SBF2: variants seen among roughly 807,000 people sequenced by gnomAD.
SBF2 encodes SET binding factor 2, also known as myotubularin-related protein 13.
Under a neutral mutation model 225.2 loss-of-function variants are expected in SBF2, and 112 were observed. That is an observed-to-expected ratio of 0.50 (90% CI 0.43 to 0.58). The LOEUF is 0.58. Among genes scored for constraint, SBF2 ranks in the 20% least tolerant of loss-of-function variants. The pLI is 0.00. For synonymous variants in SBF2, 763 were observed against 773.3 expected, an observed-to-expected ratio of 0.99 and a Z score of 0.22; for missense variants, 1,996 against 2,206.2, an observed-to-expected ratio of 0.90 and a Z score of 1.91.
At chr11:9,942,694 G>A (rs187685179) in intron 16 of SBF2, among the ~76,000 whole-genome samples, 37 of 152,142 alleles carry the variant, frequency 2.4e-4, no homozygotes, top group South Asian at 2.1e-4. Context: ...AGCCAGGCAT[G>A]GTGGCGTGCA....
At chr11:9,974,979 A>AAAAAAAAAAG (rs1158912493) in intron 13 of SBF2, among the ~76,000 whole-genome samples, 1 of 79,522 alleles carries the variant, frequency 1.3e-5, no homozygotes, top group Non-Finnish European at 3.0e-5. Context: ...AAAAAAAAAA[A>AAAAAAAAAAG]AAAAAAAAAG....
At chr11:10,142,057 GAGA>G (rs1317738436) in intron 2 of SBF2, among the ~76,000 whole-genome samples, 5 of 152,104 alleles carry the variant, frequency 3.3e-5, no homozygotes, top group African/African-American at 7.2e-5. Context: ...CTGCAATTCT[GAGA>G]AGAAGGCAAA....
chr11:10,056,552 T>G (rs546765118), intron 2 of SBF2, among the ~76,000 whole-genome samples: 17 of 152,346 alleles, frequency 1.1e-4, no homozygotes, highest in Middle Eastern at 3.4e-3. Context: ...TGGTTGTTGT[T>G]GGTGTATAGG....
At chr11:10,079,842 G>T (rs1001275837) in intron 2 of SBF2, among the ~76,000 whole-genome samples, 1 of 152,102 alleles carries the variant, frequency 6.6e-6, no homozygotes, top group Non-Finnish European at 1.5e-5. Context: ...ATCAGCAAGA[G>T]TAAAGCATCT....
intron 1 of SBF2, among the ~76,000 whole-genome samples, chr11:10,229,316 T>C (rs1043226683): frequency 6.6e-6 from 1 of 152,218 alleles, no homozygotes; most frequent in African/African-American, 2.4e-5. Flanking sequence ...CTCTATTTCC[T>C]TCAGTTCTGC....
intron 2 of SBF2, among the ~76,000 whole-genome samples, chr11:10,127,829 T>C (rs1953832757): frequency 6.6e-6 from 1 of 152,264 alleles, no homozygotes; most frequent in East Asian, 1.9e-4. Context: ...GATCTGCTGT[T>C]ACTAACTCAA....
chr11:10,116,447 A>C (rs1953141493), intron 2 of SBF2, among the ~76,000 whole-genome samples: 1 of 152,212 alleles, frequency 6.6e-6, no homozygotes, highest in African/African-American at 2.4e-5. Flanking sequence ...GAGAGGATTT[A>C]TGCATCAGAA....
At chr11:9,934,196 T>C (rs1434934480) in intron 16 of SBF2, among the ~76,000 whole-genome samples, 2 of 152,128 alleles carry the variant, frequency 1.3e-5, no homozygotes. Flanking sequence ...TCAAATAAAC[T>C]AGAAAATCTA....
chr11:9,916,607 C>CTTTTTTTTTT (rs935692191), intron 16 of SBF2, among the ~76,000 whole-genome samples: 1 of 146,096 alleles, frequency 6.8e-6, no homozygotes, highest in East Asian at 2.0e-4. Context: ...CCTTTTTTTT[C>CTTTTTTTTTT]TTTTTTTTGA....
At chr11:10,205,853 G>T (rs1459972244) in intron 1 of SBF2, among the ~76,000 whole-genome samples, 1 of 151,974 alleles carries the variant, frequency 6.6e-6, no homozygotes, top group Non-Finnish European at 1.5e-5. Context: ...AGAAACTGAG[G>T]TGTCCAGCTA....
At chr11:10,155,004 T>C (rs1423301004) in intron 2 of SBF2, among the ~76,000 whole-genome samples, 1 of 152,146 alleles carries the variant, frequency 6.6e-6, no homozygotes, top group East Asian at 1.9e-4. Context: ...ATTCTGACTA[T>C]CTATTTTAGT....
chr11:9,881,748 T>C (rs1332639474), intron 17 of SBF2, among the ~76,000 whole-genome samples: 1 of 151,642 alleles, frequency 6.6e-6, no homozygotes, highest in Non-Finnish European at 1.5e-5. Flanking sequence ...CCCCCCCCAA[T>C]TAAACAAATA....
intron 1 of SBF2, among the ~76,000 whole-genome samples, chr11:10,299,798 T>C (rs954406295): frequency 6.6e-6 from 1 of 152,208 alleles, no homozygotes; most frequent in African/African-American, 2.4e-5. Flanking sequence ...CTTCCTTTCT[T>C]GCACCTTTCT....
At chr11:9,944,518 T>C (rs1167253873) in intron 16 of SBF2, among the ~76,000 whole-genome samples, 1 of 152,168 alleles carries the variant, frequency 6.6e-6, no homozygotes, top group Non-Finnish European at 1.5e-5. Flanking sequence ...TTACTACATA[T>C]TATGGATATT....
chr11:9,964,392 G>A (rs563035732), intron 14 of SBF2, among the ~76,000 whole-genome samples: 18 of 152,284 alleles, frequency 1.2e-4, no homozygotes, highest in African/African-American at 4.3e-4. Flanking sequence ...TAATTTCACA[G>A]GGTAGATTCT....
chr11:9,817,584 T>C (rs1854519173), intron 28 of SBF2, among the ~76,000 whole-genome samples: 1 of 145,444 alleles, frequency 6.9e-6, no homozygotes, highest in Non-Finnish European at 1.5e-5. Context: ...TTATATTATA[T>C]TTTTCAGTAT....
At chr11:10,034,430 T>G (rs142966650) in intron 3 of SBF2, among the ~76,000 whole-genome samples, 59 of 152,370 alleles carry the variant, frequency 3.9e-4, no homozygotes, top group African/African-American at 1.4e-3. Context: ...AATAACTTGA[T>G]GTAGCAGATC....
chr11:10,136,676 C>T (rs925534469), intron 2 of SBF2, among the ~76,000 whole-genome samples: 2 of 152,104 alleles, frequency 1.3e-5, no homozygotes, highest in South Asian at 2.1e-4. Flanking sequence ...GCCTTTAATC[C>T]GTGGGAATTC....
intron 1 of SBF2, among the ~76,000 whole-genome samples, chr11:10,293,801 G>A (rs1448904201): frequency 6.6e-6 from 1 of 152,136 alleles, no homozygotes; most frequent in East Asian, 1.9e-4. Context: ...CTGGGCAGAC[G>A]CGGCGTCTTC....
Sources: allele counts gnomAD v4.1 joint callset (sites outside exome capture counted in the v4.1 genomes callset), GRCh38; gene constraint gnomAD v4.1.1; transcripts MANE v1.5; gene names NCBI Gene and HGNC (gene_info 2026-07-23, HGNC 2026-07-21).